NME7: variants seen among roughly 807,000 people sequenced by gnomAD.
NME7 encodes NME/NM23 family member 7.
In NME7, 41 loss-of-function variants were observed where a neutral mutation model predicts 49.1. The observed-to-expected ratio is 0.83, with a 90% CI of 0.65 to 1.08. The LOEUF (loss-of-function observed/expected upper bound fraction) is 1.08, where lower values mean the gene tolerates loss of function less well. Ranked by LOEUF, NME7 falls within the 50% of genes least tolerant of loss-of-function variation. The pLI is 0.00. For synonymous variants in NME7, 139 were observed against 150.6 expected (o/e 0.92, Z 0.56); for missense variants, 423 against 463.4 (o/e 0.91, Z 0.80).
At position 169,255,947 on chromosome 1, in the gene NME7, G is replaced by T. The variant is rs192439691; in HGVS notation, c.755-18260C>A. ...CCGAGAGATCCACTGTTAGTCTGAT[G>T]GGCTTTCCTTTGAGGGTAACCCGAC... On this transcript the variant is annotated intron_variant, in intron 7 of 11. Coordinates refer to ENST00000367811, the MANE Select transcript of NME7 (RefSeq NM_013330.5). Among the ~76,000 whole-genome samples, 1,143 of 133,388 alleles carry T rather than the reference G, an allele frequency of 8.6e-3. 136 individuals are homozygous for T. Among genetic ancestry groups the T allele is most frequent in the African/African-American group, 0.028 (1,096 of 39,440 alleles). The allele number at this position is 133,388 out of a possible 152,430, so 87.5% of individuals were successfully genotyped here. A position where few individuals can be genotyped will look rare whatever the true frequency, so the allele number is the denominator to read the frequency against.
chr1:169,326,041 T>C (rs941722644), intron 1 of NME7, among the ~76,000 whole-genome samples: 1 of 151,928 alleles, frequency 6.6e-6, no homozygotes, highest in African/African-American at 2.4e-5. Flanking sequence ...CTATCCATAA[T>C]AAAATATTTA....
At chr1:169,279,907 A>T (rs1473011270) in intron 7 of NME7, among the ~76,000 whole-genome samples, 1 of 152,228 alleles carries the variant, frequency 6.6e-6, no homozygotes, top group Admixed American at 6.5e-5. Flanking sequence ...TATTGTGAAT[A>T]GTGCTGCGTT....
Position 169,323,036 on chromosome 1 carries a change from T to C in NME7, c.278+81A>G, listed in dbSNP as rs368252791. On this transcript the variant is annotated intron_variant, in intron 3 of 11. Transcript: ENST00000367811. The stretch of plus-strand genomic sequence containing the variant: ...CAGGTCCTATCCATCCTCATATGGT[T>C]ACATACTCCCAGTCTTGATTCAGAT... 12 of 1,181,696 alleles carry C rather than the reference T, an allele frequency of 1.0e-5. No homozygotes were observed. In the South Asian group the frequency reaches 2.7e-4, roughly 26 times the overall value. 73.2% of individuals were successfully genotyped at this position (1,181,696 alleles called of 1,614,324 possible). A position where few individuals can be genotyped will look rare whatever the true frequency, so the allele number is the denominator to read the frequency against.
At chr1:169,284,893 C>A in intron 7 of NME7, 1 of 152,074 alleles carries the variant, frequency 6.6e-6, no homozygotes, top group East Asian at 1.9e-4. Context: ...ACTCTCCTTG[C>A]AACATATTTT....
At chr1:169,176,743 AAAG>A (rs921891510) in intron 10 of NME7, among the ~76,000 whole-genome samples, 2 of 151,522 alleles carry the variant, frequency 1.3e-5, no homozygotes, top group African/African-American at 4.8e-5. Flanking sequence ...TTCTTTTTTA[AAAG>A]AATTGGGCAT....
chr1:169,235,206 T>TA lies in NME7; in HGVS notation c.820-8dup. On this transcript the variant is annotated splice_region_variant and splice_polypyrimidine_tract_variant and intron_variant, in intron 8 of 11. Coordinates refer to ENST00000367811, the MANE Select transcript of NME7 (RefSeq NM_013330.5). Reference sequence around the variant, plus strand: ...TAACCCGATCCATATTGAACTATATTAAAAAATAAAACAAAACAAAACCAT... The same window carrying TA: ...TAACCCGATCCATATTGAACTATATTAAAAAAATAAAACAAAACAAAACCAT... The TA allele has an allele frequency of 1.4e-6, 2 of 1,479,200 alleles. No individual in the cohort carries two copies. Among genetic ancestry groups the TA allele is most frequent in the East Asian group, 2.3e-5 (1 of 43,096 alleles). 91.6% of individuals were successfully genotyped at this position (1,479,200 alleles called of 1,614,324 possible).
intron 11 of NME7, among the ~76,000 whole-genome samples, chr1:169,155,005 T>C (rs1659026684): frequency 6.6e-6 from 1 of 152,170 alleles, no homozygotes; most frequent in Non-Finnish European, 1.5e-5. Flanking sequence ...AGACAGGGTC[T>C]TGCTGTGTTG....
chr1:169,141,122 C>T (rs573887334), intron 11 of NME7, among the ~76,000 whole-genome samples: 2 of 152,018 alleles, frequency 1.3e-5, no homozygotes, highest in South Asian at 4.1e-4. Context: ...AAATGATTTA[C>T]AATAAAGTTT....
chr1:169,157,939 A>C (rs938456496), intron 11 of NME7, among the ~76,000 whole-genome samples: 1 of 152,162 alleles, frequency 6.6e-6, no homozygotes, highest in African/African-American at 2.4e-5. Flanking sequence ...GTTTTGTATA[A>C]GTGCTGGATA....
chr1:169,308,782 G>A (rs1384983369), intron 4 of NME7, among the ~76,000 whole-genome samples: 1 of 152,074 alleles, frequency 6.6e-6, no homozygotes, highest in Non-Finnish European at 1.5e-5. Context: ...AAAGGGATAA[G>A]TAAATGTATA....
At chr1:169,349,241 T>C (rs1429511089) in intron 1 of NME7, among the ~76,000 whole-genome samples, 1 of 152,102 alleles carries the variant, frequency 6.6e-6, no homozygotes, top group Non-Finnish European at 1.5e-5. Flanking sequence ...TTTTAATATA[T>C]CCCCTCCAGT....
At chr1:169,254,550 T>C (rs1490948595) in intron 7 of NME7, among the ~76,000 whole-genome samples, 2 of 151,662 alleles carry the variant, frequency 1.3e-5, no homozygotes, top group Non-Finnish European at 2.9e-5. Flanking sequence ...GGGTTTTTTG[T>C]ATCTCTATTT....
chr1:169,210,494 G>A (rs905383450), intron 10 of NME7, among the ~76,000 whole-genome samples: 9 of 151,998 alleles, frequency 5.9e-5, no homozygotes, highest in African/African-American at 2.2e-4. Flanking sequence ...TTGGAACATT[G>A]GTATTCATCT....
chr1:169,235,502 A>G (rs973011954), intron 8 of NME7, among the ~76,000 whole-genome samples: 1 of 152,124 alleles, frequency 6.6e-6, no homozygotes, highest in African/African-American at 2.4e-5. Context: ...CAGAGGAGTC[A>G]TACAACTTCC....
intron 1 of NME7, among the ~76,000 whole-genome samples, chr1:169,330,911 G>A (rs1444697239): frequency 6.6e-6 from 1 of 151,790 alleles, no homozygotes; most frequent in Non-Finnish European, 1.5e-5. Flanking sequence ...GTAAAGAAAA[G>A]TCCAAAAAAT....
chr1:169,272,861 G>T (rs1649538359), intron 7 of NME7, among the ~76,000 whole-genome samples: 1 of 131,324 alleles, frequency 7.6e-6, no homozygotes, highest in African/African-American at 2.6e-5. Context: ...GATCTTTGAG[G>T]AATCACCACA....
intron 1 of NME7, among the ~76,000 whole-genome samples, chr1:169,366,703 G>C (rs898512815): frequency 1.4e-4 from 22 of 152,166 alleles, no homozygotes; most frequent in African/African-American, 5.1e-4. Context: ...GGGGGCATGA[G>C]GTTGAAGAAA....
rs1381213039 is a variant in NME7, at chr1:169,259,479, G to A, written c.755-21792C>T. On this transcript the variant is annotated intron_variant, in intron 7 of 11. Coordinates refer to ENST00000367811, the MANE Select transcript of NME7 (RefSeq NM_013330.5). ...TGTTTCCTTCTATTTGAAAGGGAAG[G>A]AAGAAAATGCAACAATGTAAACAGT... is the stretch of plus-strand genomic sequence containing the variant. 3.0e-5 allele frequency among the ~76,000 whole-genome samples: 4 copies of A among 133,584 alleles called. 2 individuals carry two copies. Among genetic ancestry groups the A allele is most frequent in the Non-Finnish European group, 7.0e-5 (4 of 56,806 alleles). 87.6% of individuals were successfully genotyped at this position (133,584 alleles called of 152,430 possible). A position where few individuals can be genotyped will look rare whatever the true frequency, so the allele number is the denominator to read the frequency against.
intron 10 of NME7, among the ~76,000 whole-genome samples, chr1:169,230,453 A>G (rs1417636133): frequency 6.6e-6 from 1 of 152,210 alleles, no homozygotes; most frequent in Non-Finnish European, 1.5e-5. Context: ...TTACCTGGAC[A>G]ATTTAGCAAG....
Sources: gnomAD v4.1 joint callset for allele counts (sites outside exome capture counted in the v4.1 genomes callset) on GRCh38, gnomAD v4.1.1 for gene constraint, MANE v1.5 for transcripts, NCBI Gene and HGNC (gene_info 2026-07-23, HGNC 2026-07-21) for gene names.